The following WWOX variants were observed in gnomAD, a reference collection of about 807,000 sequenced individuals.
The protein encoded by WWOX is WW domain-containing oxidoreductase.
Under a neutral mutation model 46.2 loss-of-function variants are expected in WWOX, and 69 were observed. The ratio of observed to expected loss-of-function variants is 1.49; its 90% CI spans 1.23 to 1.82. WWOX has a LOEUF of 1.82. Among genes scored for constraint, WWOX ranks in the 40% most tolerant of loss-of-function variants. WWOX has a pLI of 0.00. For synonymous variants in WWOX, 359 were observed against 202.6 expected (o/e 1.77, Z -6.56); for missense variants, 919 against 542.6 (o/e 1.69, Z -6.89).
intron 8 of WWOX, among the ~76,000 whole-genome samples, chr16:78,546,384 G>A (rs1283351913): frequency 2.0e-5 from 3 of 152,122 alleles, no homozygotes; most frequent in Non-Finnish European, 4.4e-5. Context: ...CAGGTTTCGG[G>A]ACTTGAAAGG....
At chr16:78,279,553 G>C (rs2079639774) in intron 5 of WWOX, among the ~76,000 whole-genome samples, 1 of 152,250 alleles carries the variant, frequency 6.6e-6, no homozygotes, top group South Asian at 2.1e-4. Flanking sequence ...TTTCCAAAAA[G>C]AGAGTTAGTT....
intron 8 of WWOX, among the ~76,000 whole-genome samples, chr16:78,681,495 A>G (rs1316478628): frequency 6.6e-6 from 1 of 151,766 alleles, no homozygotes; most frequent in Non-Finnish European, 1.5e-5. Flanking sequence ...AGCCCTTTTA[A>G]TTATGACTTC....
intron 8 of WWOX, chr16:79,204,734 GAACA>G (rs2051452372): frequency 1.3e-5 from 2 of 152,300 alleles, no homozygotes; most frequent in South Asian, 2.1e-4. Flanking sequence ...GGCCTTCCCA[GAACA>G]AACATGGCTT....
rs369861170 is a variant in WWOX, at chr16:78,467,055, T to A, written c.1056+34303T>A. On this transcript the variant is annotated intron_variant, in intron 8 of 8. Transcript: ENST00000566780. Reference sequence around the variant, plus strand: ...CTTATCTCTTGACCATGCTATTGATTAGTTATGTGTTTGCCTGTGTTATTA... The same window carrying A: ...CTTATCTCTTGACCATGCTATTGATAAGTTATGTGTTTGCCTGTGTTATTA... Among the ~76,000 whole-genome samples, 3 of 152,322 alleles carry A rather than the reference T, an allele frequency of 2.0e-5. No homozygotes were observed. In the East Asian group the frequency reaches 5.8e-4, roughly 29 times the overall value.
chr16:78,821,070 G>A (rs1343246456), intron 8 of WWOX, among the ~76,000 whole-genome samples: 4 of 151,990 alleles, frequency 2.6e-5, no homozygotes, highest in East Asian at 3.9e-4. Flanking sequence ...AGTCACATTC[G>A]TTGGTTCTGA....
chr16:78,752,146 A>G (rs896428396), intron 8 of WWOX, among the ~76,000 whole-genome samples: 5 of 152,200 alleles, frequency 3.3e-5, no homozygotes, highest in Non-Finnish European at 7.3e-5. Context: ...CTCTTGTACA[A>G]TGTCTGCTTT....
At chr16:78,753,320 A>G (rs899673302) in intron 8 of WWOX, among the ~76,000 whole-genome samples, 2 of 151,750 alleles carry the variant, frequency 1.3e-5, no homozygotes, top group African/African-American at 4.9e-5. Context: ...CTCCGTCTCA[A>G]AAAAAAAGAA....
At chr16:78,965,749 A>C (rs565473780) in intron 8 of WWOX, among the ~76,000 whole-genome samples, 1 of 152,002 alleles carries the variant, frequency 6.6e-6, no homozygotes, top group South Asian at 2.1e-4. Flanking sequence ...TTAAGCAGCA[A>C]CCTCTGCACA....
chr16:78,694,709 A>G lies in WWOX; in HGVS notation c.1056+261957A>G, dbSNP rs554362348. On this transcript the variant is annotated intron_variant, in intron 8 of 8. Coordinates refer to ENST00000566780, the MANE Select transcript of WWOX (RefSeq NM_016373.4). Reference sequence around the variant, plus strand: ...AAGACAGAAGCATATGGCAGAATTCATATGTGAACAGATTGCTTTTTCTCA... The same window carrying G: ...AAGACAGAAGCATATGGCAGAATTCGTATGTGAACAGATTGCTTTTTCTCA... Among the ~76,000 whole-genome samples, 4 of 152,356 alleles carry G rather than the reference A, an allele frequency of 2.6e-5. No individual in the cohort carries two copies. In the East Asian group the frequency reaches 5.8e-4, roughly 22 times the overall value.
At chr16:78,560,478 T>G (rs982184047) in intron 8 of WWOX, among the ~76,000 whole-genome samples, 4 of 152,084 alleles carry the variant, frequency 2.6e-5, no homozygotes, top group Non-Finnish European at 4.4e-5. Context: ...CCCCCGTCTC[T>G]ACTAAAAATA....
intron 8 of WWOX, among the ~76,000 whole-genome samples, chr16:78,631,532 A>G (rs1332332058): frequency 6.8e-6 from 1 of 147,682 alleles, no homozygotes; most frequent in Non-Finnish European, 1.5e-5. Flanking sequence ...TTTCAGTGTT[A>G]AAATATTCTT....
chr16:78,285,100 T>C (rs1242113372), intron 5 of WWOX, among the ~76,000 whole-genome samples: 3 of 152,142 alleles, frequency 2.0e-5, no homozygotes, highest in Non-Finnish European at 4.4e-5. Flanking sequence ...TTCTGCTTTG[T>C]TTATAGACTG....
chr16:78,658,342 T>C (rs1466736837), intron 8 of WWOX, among the ~76,000 whole-genome samples: 1 of 152,246 alleles, frequency 6.6e-6, no homozygotes, highest in Non-Finnish European at 1.5e-5. Flanking sequence ...ATGGTCATTA[T>C]GTGCCATGCC....
At position 79,063,341 on chromosome 16, in the gene WWOX, T is replaced by C. The variant is rs572499221; in HGVS notation, c.1057-148267T>C. Among the ~76,000 whole-genome samples, 30 of 152,362 alleles carry C rather than the reference T, an allele frequency of 2.0e-4. No homozygotes were observed. The South Asian group carries it at 5.2e-3, about 26-fold the overall frequency. On this transcript the variant is annotated intron_variant, in intron 8 of 8. Transcript: ENST00000566780. ...ATTTTTTGTTCCGAAATCGGAATAT[T>C]TCCTGGCGTGCGTATCTTGGCCCCA...
At chr16:78,694,343 G>A (rs1288906419) in intron 8 of WWOX, among the ~76,000 whole-genome samples, 1 of 152,176 alleles carries the variant, frequency 6.6e-6, no homozygotes, top group Non-Finnish European at 1.5e-5. Flanking sequence ...GGTCTTTACT[G>A]CTTCTGCAAA....
chr16:78,290,641 C>G (rs1240847650), intron 5 of WWOX, among the ~76,000 whole-genome samples: 1 of 151,276 alleles, frequency 6.6e-6, no homozygotes, highest in Admixed American at 6.6e-5. Context: ...CTTGCCGTGT[C>G]GGACTTTAGT....
chr16:78,352,990 G>A (rs2081214566), intron 5 of WWOX, among the ~76,000 whole-genome samples: 1 of 152,146 alleles, frequency 6.6e-6, no homozygotes, highest in Non-Finnish European at 1.5e-5. Flanking sequence ...TTGAAAAGCA[G>A]TCTTAGAAAT....
intron 6 of WWOX, among the ~76,000 whole-genome samples, chr16:78,406,887 A>G (rs1291016584): frequency 6.6e-6 from 1 of 152,152 alleles, no homozygotes; most frequent in African/African-American, 2.4e-5. Context: ...CAGCCTCCCA[A>G]AGTGCTGGGA....
rs376672888 is a variant in WWOX, at chr16:78,432,712, C to T, written c.1016C>T (p.Thr339Ile). Reference sequence around the variant, plus strand: ...ATTCATCGCAGCTGGTGGGTGTACACACTGCTGTTTACCTTGGCGAGGCCT... The same window carrying T: ...ATTCATCGCAGCTGGTGGGTGTACATACTGCTGTTTACCTTGGCGAGGCCT... ...SNIHRSWWVY[T>I]LLFTLARPFT... Residue 339 changes from threonine (T) to isoleucine (I), a missense_variant, in exon 8 of 9, where the codon ACA (threonine) becomes ATA (isoleucine). Thr to Ile is a moderately conservative substitution (Grantham distance 89). Coordinates refer to ENST00000566780, the MANE Select transcript of WWOX (RefSeq NM_016373.4). The T allele has an allele frequency of 3.1e-6, 5 of 1,614,072 alleles. No individual in the cohort carries two copies. Among genetic ancestry groups the T allele is most frequent in the African/African-American group, 1.3e-5 (1 of 74,920 alleles).
Sources: gnomAD v4.1 joint callset for allele counts (sites outside exome capture counted in the v4.1 genomes callset) on GRCh38, gnomAD v4.1.1 for gene constraint, MANE v1.5 for transcripts, NCBI Gene and HGNC (gene_info 2026-07-23, HGNC 2026-07-21) for gene names.